PTPRN2: variants seen among roughly 807,000 people sequenced by gnomAD.
PTPRN2 encodes receptor-type tyrosine-protein phosphatase N2.
A neutral mutation model predicts 118.8 loss-of-function variants in PTPRN2; 74 were observed. That is an observed-to-expected ratio of 0.62 (90% CI 0.52 to 0.76). The LOEUF (loss-of-function observed/expected upper bound fraction) is 0.76. Ranked by LOEUF, PTPRN2 falls within the 30% of genes least tolerant of loss-of-function variation. PTPRN2 has a pLI of 0.00. For synonymous variants in PTPRN2, 641 were observed against 608.0 expected (o/e 1.05, Z -0.80); for missense variants, 1,481 against 1,394.4 (o/e 1.06, Z -0.99).
intron 1 of PTPRN2, among the ~76,000 whole-genome samples, chr7:158,492,910 T>G (rs1821566962): frequency 6.6e-6 from 1 of 152,228 alleles, no homozygotes; most frequent in South Asian, 2.1e-4. Flanking sequence ...TTGTGTACCC[T>G]GTCGGCTCAC....
At chr7:158,424,634 G>T (rs1815546458) in intron 2 of PTPRN2, among the ~76,000 whole-genome samples, 1 of 152,248 alleles carries the variant, frequency 6.6e-6, no homozygotes, top group Non-Finnish European at 1.5e-5. Context: ...TCAAACCGGG[G>T]ACTGAGACGC....
intron 2 of PTPRN2, among the ~76,000 whole-genome samples, chr7:158,401,826 G>A (rs1262136829): frequency 3.3e-5 from 5 of 152,158 alleles, no homozygotes; most frequent in Admixed American, 3.3e-4. Flanking sequence ...CGGCAGCCTG[G>A]AAACCAGCAG....
intron 2 of PTPRN2, among the ~76,000 whole-genome samples, chr7:158,449,006 G>A (rs192929072): frequency 8.5e-5 from 13 of 152,360 alleles, no homozygotes; most frequent in East Asian, 3.9e-4. Flanking sequence ...ATGAAGGGCC[G>A]TGACAGGCAG....
chr7:157,784,739 C>G lies in PTPRN2; in HGVS notation c.1789-101802G>C, dbSNP rs1180988679. On this transcript the variant is annotated intron_variant, in intron 12 of 22. Transcript: ENST00000389418. The surrounding 1 kb of genome is among the most constrained non-coding windows in gnomAD (Gnocchi z 4.6). ...CCGTGGCAGTGCAAACCGAGGGCCC[C>G]CTGGGTCTCGACATTTCACCGCAAA... Among the ~76,000 whole-genome samples, 1 of 152,096 alleles carries G rather than the reference C, an allele frequency of 6.6e-6. No individual in the cohort carries two copies. Among genetic ancestry groups the G allele is most frequent in the Admixed American group, 6.5e-5 (1 of 15,280 alleles).
chr7:158,490,261 C>T (rs10255122), intron 1 of PTPRN2, among the ~76,000 whole-genome samples: 28,844 of 152,206 alleles, frequency 0.19, 3,261 homozygotes, highest in East Asian at 0.41. Context: ...GGAAGCAAAC[C>T]GTGGCGTCCG....
intron 3 of PTPRN2, among the ~76,000 whole-genome samples, chr7:158,210,793 A>G (rs754387054): frequency 2.6e-4 from 39 of 152,314 alleles, no homozygotes; most frequent in Middle Eastern, 3.4e-3. Context: ...TGAACAGATC[A>G]ATAACAAATA....
intron 12 of PTPRN2, among the ~76,000 whole-genome samples, chr7:157,724,262 G>A (rs887849873): frequency 1.3e-5 from 2 of 152,210 alleles, no homozygotes; most frequent in Admixed American, 6.5e-5. Context: ...TTTATTTGCA[G>A]ACGCTTGCTT....
chr7:157,924,973 ATTTAG>A (rs1798890352), intron 11 of PTPRN2, among the ~76,000 whole-genome samples: 38 of 47,570 alleles, frequency 8.0e-4, no homozygotes, highest in South Asian at 2.2e-3. Flanking sequence ...AGGCACCTGC[ATTTAG>A]CACATCAGGC....
chr7:157,709,987 G>A (rs948180452), intron 12 of PTPRN2, among the ~76,000 whole-genome samples: 1 of 152,166 alleles, frequency 6.6e-6, no homozygotes. Flanking sequence ...CGTGGATGCT[G>A]GAGAGAGGAG....
chr7:158,499,996 T>G (rs1039676881), intron 1 of PTPRN2, among the ~76,000 whole-genome samples: 22 of 150,396 alleles, frequency 1.5e-4, no homozygotes, highest in African/African-American at 5.4e-4. Flanking sequence ...CAAAAACTGC[T>G]TCCTGGCCCT....
intron 3 of PTPRN2, among the ~76,000 whole-genome samples, chr7:158,237,948 G>A (rs1480721939): frequency 6.6e-6 from 1 of 152,186 alleles, no homozygotes; most frequent in Non-Finnish European, 1.5e-5. Flanking sequence ...GGCTGCCATG[G>A]AGATACACAC....
intron 12 of PTPRN2, among the ~76,000 whole-genome samples, chr7:157,819,117 G>A (rs936795528): frequency 1.3e-5 from 2 of 152,148 alleles, no homozygotes; most frequent in Non-Finnish European, 2.9e-5. Flanking sequence ...ACACCTGCTG[G>A]GCCTGGGTCC....
chr7:157,880,891 A>G (rs577563329), intron 12 of PTPRN2, among the ~76,000 whole-genome samples: 4 of 152,342 alleles, frequency 2.6e-5, no homozygotes, highest in African/African-American at 7.2e-5. Context: ...GCTTGACCCA[A>G]TGCTATCTTT....
Position 158,137,157 on chromosome 7 carries a change from G to A in PTPRN2, c.1133-462C>T, listed in dbSNP as rs1047276980. Among the ~76,000 whole-genome samples, 9 of 152,140 alleles carry A rather than the reference G, an allele frequency of 5.9e-5. No homozygotes were observed. In the South Asian group the frequency reaches 6.2e-4, roughly 11 times the overall value. On this transcript the variant is annotated intron_variant, in intron 7 of 22. Transcript: ENST00000389418. ...ACCCCGGCTGGGCGCGGTGGCTCACGCCTGTAATCCCAGCACTTTGGGAGG... is the reference window on the plus strand; with the variant it reads ...ACCCCGGCTGGGCGCGGTGGCTCACACCTGTAATCCCAGCACTTTGGGAGG...
chr7:157,644,234 T>C (rs1804884036), intron 14 of PTPRN2, among the ~76,000 whole-genome samples: 1 of 152,170 alleles, frequency 6.6e-6, no homozygotes, highest in South Asian at 2.1e-4. Context: ...CAGGATGTGC[T>C]CCCACAGACG....
chr7:157,690,819 A>G lies in PTPRN2; in HGVS notation c.1789-7882T>C, dbSNP rs1399510580. 6.7e-6 allele frequency among the ~76,000 whole-genome samples: 1 copy of G among 148,472 alleles called. No homozygotes were observed. The highest frequency in any genetic ancestry group is 1.5e-5 in the Non-Finnish European group (1 of 66,928). ...CGGGCTCGGAGCCCGCAGGCGCCGG[A>G]GCTCTGCGCGGCCGCTCGGCCCAGC... On this transcript the variant is annotated intron_variant, in intron 12 of 22. Transcript: ENST00000389418. The surrounding 1 kb of genome is among the most constrained non-coding windows in gnomAD (Gnocchi z 7.1).
At chr7:157,878,788 G>GCT (rs35335921) in intron 12 of PTPRN2, among the ~76,000 whole-genome samples, 6,766 of 78,178 alleles carry the variant, frequency 0.087, 394 homozygotes, top group Admixed American at 0.11. Flanking sequence ...TCACCGAGGA[G>GCT]CTCTCGGATT....
At chr7:157,562,935 C>T (rs113385919) in intron 21 of PTPRN2, among the ~76,000 whole-genome samples, 2 of 136,116 alleles carry the variant, frequency 1.5e-5, no homozygotes, top group Admixed American at 7.2e-5. Context: ...ACCACGTGCT[C>T]CCACATCACC....
intron 11 of PTPRN2, among the ~76,000 whole-genome samples, chr7:158,065,957 A>G (rs1156578667): frequency 6.6e-6 from 1 of 152,228 alleles, no homozygotes; most frequent in African/African-American, 2.4e-5. Flanking sequence ...ATGCATGCAA[A>G]GAGTTTCGTT....
Sources: allele counts gnomAD v4.1 joint callset (sites outside exome capture counted in the v4.1 genomes callset), GRCh38; gene constraint gnomAD v4.1.1; non-coding constraint Gnocchi (gnomAD v3.1); transcripts MANE v1.5; gene names NCBI Gene and HGNC (gene_info 2026-07-23, HGNC 2026-07-21).